Variants in PCDHGB7 observed in about 807,000 individuals in gnomAD.
PCDHGB7 encodes protocadherin gamma-B7.
A neutral mutation model predicts 61.4 loss-of-function variants in PCDHGB7; 37 were observed. That is an observed-to-expected ratio of 0.60 (90% CI 0.46 to 0.79). PCDHGB7 has a LOEUF of 0.79. Ranked by LOEUF, PCDHGB7 falls within the 30% of genes least tolerant of loss-of-function variation. The pLI is 0.00. For missense variants in PCDHGB7, 1,166 were observed against 1,202.5 expected (o/e 0.97, Z 0.45); for synonymous variants, 464 against 503.5 (o/e 0.92, Z 1.05).
chr5:141,443,223 A>G (rs2098374731), intron 1 of PCDHGB7, among the ~76,000 whole-genome samples: 1 of 152,044 alleles, frequency 6.6e-6, no homozygotes, highest in African/African-American at 2.4e-5. Flanking sequence ...AGGCGCATCT[A>G]TAATCTTAGC....
rs765887978 is a variant in PCDHGB7 at position 141,486,476 on chromosome 5, C to T, written c.2416-8331C>T. The T allele has an allele frequency of 8.7e-6, 14 of 1,613,934 alleles. No homozygotes were observed. The highest frequency in any genetic ancestry group is 1.7e-5 in the Admixed American group (1 of 60,016). ...TGCTTCTGATGCTGGGAACCCTCCT[C>T]TCAGTACCCACAGAACTATTTTCCT... On this transcript the variant is annotated intron_variant, in intron 1 of 3. Transcript: ENST00000398594. This position sits in a 1 kb window ranked among gnomAD's most constrained non-coding sequence, Gnocchi z 5.0.
intron 1 of PCDHGB7, chr5:141,422,726 T>C: frequency 5.6e-6 from 9 of 1,605,994 alleles, no homozygotes; most frequent in African/African-American, 4.0e-5. Flanking sequence ...GTCCAGGGGG[T>C]GCCTCTGTCC....
chr5:141,484,994 G>A (rs1257915410), intron 1 of PCDHGB7: 4 of 610,330 alleles, frequency 6.6e-6, no homozygotes, highest in Non-Finnish European at 1.2e-5. Context: ...GGTGGTGAAA[G>A]GCAGACAAAT....
At chr5:141,466,275 A>G (rs1163982252) in intron 1 of PCDHGB7, among the ~76,000 whole-genome samples, 1 of 152,112 alleles carries the variant, frequency 6.6e-6, no homozygotes. Context: ...AGCTCAAGCA[A>G]TCTTCCCACC....
intron 1 of PCDHGB7, among the ~76,000 whole-genome samples, chr5:141,435,539 C>T (rs75717921): frequency 1.3e-5 from 2 of 152,226 alleles, no homozygotes; most frequent in South Asian, 4.1e-4. Flanking sequence ...TCAGAATTAA[C>T]AAAATGTGTT....
At chr5:141,461,820 A>AT (rs1458631685) in intron 1 of PCDHGB7, among the ~76,000 whole-genome samples, 5 of 147,814 alleles carry the variant, frequency 3.4e-5, no homozygotes, top group African/African-American at 7.5e-5. Context: ...CACCCAGCTA[A>AT]TTTTTTTTTC....
chr5:141,422,286 T>C, intron 1 of PCDHGB7: 2 of 1,554,938 alleles, frequency 1.3e-6, no homozygotes, highest in Non-Finnish European at 1.7e-6. Flanking sequence ...TCACCTCTTC[T>C]ATTAATTCAA....
chr5:141,422,243 T>C, intron 1 of PCDHGB7: 12 of 1,566,082 alleles, frequency 7.7e-6, no homozygotes, highest in Non-Finnish European at 1.0e-5. Flanking sequence ...ATCACTGTTG[T>C]GGATGTGAAT....
chr5:141,449,645 A>G (rs1331667429), intron 1 of PCDHGB7, among the ~76,000 whole-genome samples: 1 of 151,128 alleles, frequency 6.6e-6, no homozygotes, highest in African/African-American at 2.4e-5. Context: ...CTATATATAC[A>G]TATTTACATA....
intron 3 of PCDHGB7, among the ~76,000 whole-genome samples, chr5:141,510,147 C>T (rs1416633745): frequency 1.3e-5 from 2 of 151,984 alleles, no homozygotes; most frequent in Non-Finnish European, 2.9e-5. Flanking sequence ...GTGGTGTGCA[C>T]CTGTAATCTC....
intron 1 of PCDHGB7, among the ~76,000 whole-genome samples, chr5:141,480,290 C>T (rs1053173416): frequency 2.2e-5 from 3 of 134,088 alleles, no homozygotes; most frequent in Non-Finnish European, 4.7e-5. Flanking sequence ...TGGCATGCAC[C>T]TGTGGTACCA....
chr5:141,458,575 G>A (rs1337776166), intron 1 of PCDHGB7, among the ~76,000 whole-genome samples: 1 of 151,346 alleles, frequency 6.6e-6, no homozygotes, highest in Non-Finnish European at 1.5e-5. Context: ...GTTTTTGTTT[G>A]TTTGTTTGTT....
At chr5:141,423,773 T>A in intron 1 of PCDHGB7, 6 of 901,238 alleles carry the variant, frequency 6.7e-6, no homozygotes, top group Non-Finnish European at 7.3e-6. Flanking sequence ...GGGCGGCATA[T>A]ATTTAGTTCA....
chr5:141,511,265 A>G lies in PCDHGB7; in HGVS notation c.*92A>G. On this transcript the variant is annotated 3_prime_UTR_variant, in exon 4 of 4. Coordinates refer to ENST00000398594, the MANE Select transcript of PCDHGB7 (RefSeq NM_018927.4). ...ACCCAGGCCTCAGAGTTTCAGGGCT[A>G]ACCCCCAGAATACTGGTAGGGGCCA... The G allele has an allele frequency of 6.4e-7, 1 of 1,551,730 alleles. No individual in the cohort carries two copies. Among genetic ancestry groups the G allele is most frequent in the South Asian group, 1.2e-5 (1 of 83,132 alleles).
intron 1 of PCDHGB7, chr5:141,475,986 G>T: frequency 2.8e-6 from 3 of 1,089,866 alleles, no homozygotes; most frequent in Non-Finnish European, 3.9e-6. Context: ...CAGCCGGCGA[G>T]CAAATCAACG....
At chr5:141,468,965 T>C (rs2099187692) in intron 1 of PCDHGB7, among the ~76,000 whole-genome samples, 1 of 151,738 alleles carries the variant, frequency 6.6e-6, no homozygotes, top group Admixed American at 6.6e-5. Context: ...TTTTTTACCT[T>C]AGGCTTTTGA....
At chr5:141,463,803 A>G (rs975202568) in intron 1 of PCDHGB7, among the ~76,000 whole-genome samples, 1 of 152,150 alleles carries the variant, frequency 6.6e-6, no homozygotes, top group Non-Finnish European at 1.5e-5. Flanking sequence ...AATGTCTAAA[A>G]GCTTTTATCA....
chr5:141,420,492 TC>T (rs1172385190), intron 1 of PCDHGB7: 8 of 508,012 alleles, frequency 1.6e-5, no homozygotes, highest in Non-Finnish European at 1.8e-5. Flanking sequence ...ATGGGTAATC[TC>T]CGGTGACATT....
rs1471403767 is a variant in PCDHGB7 at position 141,417,710 on chromosome 5, TC to T, written c.-147del. On this transcript the variant is annotated 5_prime_UTR_variant, in exon 1 of 4. Coordinates refer to ENST00000398594, the MANE Select transcript of PCDHGB7 (RefSeq NM_018927.4). ...AGAAAACCAGCTCCCACACAGAGGCTCCCGGCTGCGCAGACCTTGCCCAGCA... is the reference window on the plus strand; with the variant it reads ...AGAAAACCAGCTCCCACACAGAGGCTCCGGCTGCGCAGACCTTGCCCAGCA... 1 of 1,249,228 alleles carries T rather than the reference TC, an allele frequency of 8.0e-7. No individual in the cohort carries two copies. Among genetic ancestry groups the T allele is most frequent in the Non-Finnish European group, 1.1e-6 (1 of 931,344 alleles). 77.4% of individuals were successfully genotyped at this position (1,249,228 alleles called of 1,614,324 possible).
Sources: allele counts gnomAD v4.1 joint callset (sites outside exome capture counted in the v4.1 genomes callset), GRCh38; gene constraint gnomAD v4.1.1; non-coding constraint Gnocchi (gnomAD v3.1); transcripts MANE v1.5; gene names NCBI Gene and HGNC (gene_info 2026-07-23, HGNC 2026-07-21).